The following MYBPC2 variants were observed in gnomAD, a reference collection of about 807,000 sequenced individuals.
MYBPC2 encodes myosin binding protein C2.
A neutral mutation model predicts 137.0 loss-of-function variants in MYBPC2; 122 were observed. That is an observed-to-expected ratio of 0.89 (90% CI 0.77 to 1.03). MYBPC2 has a LOEUF of 1.03. Among genes scored for constraint, MYBPC2 ranks in the 50% least tolerant of loss-of-function variants. The probability of loss-of-function intolerance (pLI) is 0.00; values close to 1 mark genes in which losing one functional copy is unlikely to be tolerated. For missense variants in MYBPC2, 1,500 were observed against 1,534.4 expected (o/e 0.98, Z 0.37); for synonymous variants, 626 against 612.3 (o/e 1.02, Z -0.33).
chr19:50,436,907 A>G (rs964198625), intron 5 of MYBPC2, among the ~76,000 whole-genome samples, 173 bp downstream of exon 5: 2 of 152,078 alleles, frequency 1.3e-5, no homozygotes, highest in African/African-American at 4.8e-5. Context: ...GAGACATAGC[A>G]TGGGAGGAGG....
intron 13 of MYBPC2, among the ~76,000 whole-genome samples, chr19:50,448,728 G>T (rs575776013): frequency 6.6e-6 from 1 of 150,812 alleles, no homozygotes; most frequent in East Asian, 2.0e-4. Flanking sequence ...CCAAAGTGCT[G>T]GGATTACAGG....
In MYBPC2 at chr19:50,442,328, G is replaced by A. The variant is rs2039763715; in HGVS notation, c.902+15G>A. 1 of 1,606,308 alleles carries A rather than the reference G, an allele frequency of 6.2e-7. No homozygotes were observed. Among genetic ancestry groups the A allele is most frequent in the Non-Finnish European group, 8.5e-7 (1 of 1,176,644 alleles). On this transcript the variant is annotated intron_variant, in intron 9 of 27. Transcript: ENST00000357701. ...CCAAGCAGCAAGTATGTGTGGGGTG[G>A]GCAGTCCCTGCACCGGGGAGATCCC...
Position 50,436,177 on chromosome 19 carries a change from C to T in MYBPC2, c.345+17C>T. ...GCCAGCAATGTGAGGACCCCGTGGG[C>T]CAGAGGGCTGGTGGAGGGGAGTGGA... On this transcript the variant is annotated intron_variant, in intron 4 of 27. Coordinates refer to ENST00000357701, the MANE Select transcript of MYBPC2 (RefSeq NM_004533.4). The T allele has an allele frequency of 6.3e-7, 1 of 1,575,618 alleles. No individual in the cohort carries two copies. The highest frequency in any genetic ancestry group is 8.6e-7 in the Non-Finnish European group (1 of 1,160,572).
At chr19:50,464,312 C>CT (rs1222274112) in intron 26 of MYBPC2, 34 bp from the exon 27 acceptor site, 1 of 1,564,852 alleles carries the variant, frequency 6.4e-7, no homozygotes, top group South Asian at 1.2e-5. Flanking sequence ...GGGTCTCTCT[C>CT]TAAGTTGGCC....
In MYBPC2 at chr19:50,448,254, G is replaced by A. The variant is rs35326141; in HGVS notation, c.1336G>A (p.Ala446Thr). The A allele has an allele frequency of 8.7e-5, 140 of 1,613,590 alleles. No individual in the cohort carries two copies. Among genetic ancestry groups the A allele is most frequent in the Middle Eastern group, 3.3e-4 (2 of 6,084 alleles). ...EKQLEVLQDI[A>T]DLTVKASEQA... is the part of the protein sequence containing the mutation. The stretch of plus-strand genomic sequence containing the variant: ...ACAGCTGGAGGTCCTGCAGGACATC[G>A]CGGATCTGACGGTGAAGGCCTCAGA... The change falls in exon 13 of 28, where the codon GCG becomes ACG. Residue 446 changes from alanine to threonine, a missense_variant. By Grantham distance (58) the Ala-to-Thr change is moderately conservative. Coordinates refer to ENST00000357701, the MANE Select transcript of MYBPC2 (RefSeq NM_004533.4).
At chr19:50,458,799 C>G (rs1228678398) in intron 21 of MYBPC2, 45 bp downstream of exon 21, 2 of 1,603,618 alleles carry the variant, frequency 1.2e-6, no homozygotes, top group Non-Finnish European at 1.7e-6. Flanking sequence ...AAGCTGGCGT[C>G]GTCCCGCCTG....
chr19:50,444,219 C>T, intron 11 of MYBPC2, among the ~76,000 whole-genome samples: 1 of 151,364 alleles, frequency 6.6e-6, no homozygotes, highest in South Asian at 2.1e-4. Context: ...TCCATCCATC[C>T]ACTCATCCAT....
At chr19:50,462,819 G>A (rs984543154) in intron 26 of MYBPC2, among the ~76,000 whole-genome samples, 2 of 152,036 alleles carry the variant, frequency 1.3e-5, no homozygotes, top group African/African-American at 4.8e-5. Flanking sequence ...AAAGTGCTGG[G>A]ATTACAGGCA....
intron 12 of MYBPC2, among the ~76,000 whole-genome samples, 190 bp from the exon 13 acceptor site, chr19:50,448,035 C>T (rs763254917): frequency 2.0e-5 from 3 of 152,130 alleles, no homozygotes; most frequent in Non-Finnish European, 4.4e-5. Flanking sequence ...CTCCTCGCTC[C>T]CTCCTCTGTT....
chr19:50,436,812 A>G, intron 5 of MYBPC2, 78 bp downstream of exon 5: 1 of 1,364,132 alleles, frequency 7.3e-7, no homozygotes, highest in Non-Finnish European at 1.0e-6. Context: ...AGGTGTTGGG[A>G]GAGTGCACAG....
At chr19:50,445,858 G>A (rs535443241) in intron 11 of MYBPC2, 22 bp from the exon 12 acceptor site, 18 of 1,589,142 alleles carry the variant, frequency 1.1e-5, no homozygotes, top group African/African-American at 2.7e-5. Flanking sequence ...CTCACATCCC[G>A]TTCTGTGTCT....
At chr19:50,452,464 C>CTGCG (rs1568664555) in intron 16 of MYBPC2, among the ~76,000 whole-genome samples, 9 of 138,496 alleles carry the variant, frequency 6.5e-5, no homozygotes, top group African/African-American at 2.2e-4. Flanking sequence ...ATCTATGTAT[C>CTGCG]TGTGTATGTA....
Position 50,441,045 on chromosome 19 carries a change from A to C in MYBPC2, c.738A>C (p.Lys246Asn). 16 of 1,604,534 alleles carry C rather than the reference A, an allele frequency of 1.0e-5. No homozygotes were observed. Among genetic ancestry groups the C allele is most frequent in the Non-Finnish European group, 1.3e-5 (15 of 1,175,712 alleles). Residue 246 changes from lysine (K) to asparagine (N), a missense_variant, in exon 8 of 28, where the codon AAA becomes AAC. Transcript: ENST00000357701. ...TCCGGGGCATGCTGAAGCGGCTGAA[A>C]AAGGCTAAGGTCGAGGTCAAGAAGA... ...TDLRGMLKRL[K>N]KAKVEVKKSA...
At chr19:50,454,813 T>C (rs1189173827) in intron 18 of MYBPC2, among the ~76,000 whole-genome samples, 1 of 152,100 alleles carries the variant, frequency 6.6e-6, no homozygotes, top group Non-Finnish European at 1.5e-5. Context: ...TCTCAATCCC[T>C]TTGGTCTTCC....
chr19:50,436,582 G>A (rs1206272231), intron 4 of MYBPC2, 35 bp from the exon 5 acceptor site: 2 of 1,579,524 alleles, frequency 1.3e-6, no homozygotes, highest in East Asian at 2.2e-5. Context: ...CTAGAGGGTG[G>A]TCCCGTGCAC....
chr19:50,450,113 T>C (rs2122598214), intron 13 of MYBPC2, among the ~76,000 whole-genome samples: 1 of 152,164 alleles, frequency 6.6e-6, no homozygotes, highest in Middle Eastern at 3.4e-3. Context: ...GCCAAGATCA[T>C]GCCATTGCAC....
intron 7 of MYBPC2, among the ~76,000 whole-genome samples, chr19:50,438,704 A>G (rs1388106923): frequency 6.6e-6 from 1 of 151,962 alleles, no homozygotes; most frequent in Non-Finnish European, 1.5e-5. Context: ...TGACTCTACA[A>G]AAAAAAGAAA....
chr19:50,448,511 CA>C (rs1017194602), intron 13 of MYBPC2, 121 bp downstream of exon 13: 3 of 1,341,022 alleles, frequency 2.2e-6, no homozygotes, highest in African/African-American at 3.0e-5. Flanking sequence ...TCTTGTTGCC[CA>C]GGCTAGAGTG....
Position 50,459,168 on chromosome 19 carries a change from C to G in MYBPC2, c.2653C>G (p.Arg885Gly). The stretch of plus-strand genomic sequence containing the variant: ...GGGCGGGGCCCCGCTGGACACCTCC[C>G]GCGTGCACGTGCGGACCAGCGACTT... ...TKGGAPLDTS[R>G]VHVRTSDFDT... The change falls in exon 23 of 28, where the codon CGC becomes GGC. Residue 885 changes from arginine to glycine, a missense_variant. Transcript: ENST00000357701. 3 of 1,603,484 alleles carry G rather than the reference C, an allele frequency of 1.9e-6. No individual in the cohort carries two copies. In the South Asian group the frequency reaches 3.4e-5, roughly 18 times the overall value.
Sources: gnomAD v4.1 joint callset for allele counts (sites outside exome capture counted in the v4.1 genomes callset) on GRCh38, gnomAD v4.1.1 for gene constraint, MANE v1.5 for transcripts, NCBI Gene and HGNC (gene_info 2026-07-23, HGNC 2026-07-21) for gene names.